The following RNF19A variants were observed in gnomAD, a reference collection of about 807,000 sequenced individuals.
RNF19A encodes the protein ring finger protein 19A, RBR E3 ubiquitin protein ligase, also known as E3 ubiquitin-protein ligase RNF19A.
RNF19A carries 32 observed loss-of-function variants against 75.7 expected under a neutral mutation model. The ratio of observed to expected loss-of-function variants is 0.42; its 90% confidence interval spans 0.32 to 0.57. The LOEUF (loss-of-function observed/expected upper bound fraction) is 0.57. Ranked by LOEUF, RNF19A falls within the 20% of genes least tolerant of loss-of-function variation. The pLI, the probability that RNF19A is intolerant of heterozygous loss-of-function variation, is 0.10. For missense variants in RNF19A, 782 were observed against 1,036.3 expected, an observed-to-expected ratio of 0.75 and a Z score of 3.37; for synonymous variants, 335 against 345.2, an observed-to-expected ratio of 0.97 and a Z score of 0.33.
Position 100,292,471 on chromosome 8 carries a change from C to T in RNF19A, c.-93-4204G>A, listed in dbSNP as rs1001923503. 8.7e-5 allele frequency among the ~76,000 whole-genome samples: 10 copies of T among 114,302 alleles called. No homozygotes were observed. The East Asian group carries it at 1.0e-3, about 11-fold the overall frequency. The allele number at this position is 114,302 out of a possible 152,430, so 75.0% of individuals were successfully genotyped here. On this transcript the variant is annotated intron_variant, in intron 1 of 9. Transcript: ENST00000341084. ...GTGTGTGTGTGTGTGTGTGTGTGTA[C>T]GTATAAATTGTATTTGACTATATGG...
rs553828697 is a variant in RNF19A at position 100,299,672 on chromosome 8, T to C, written c.-94+10195A>G. On this transcript the variant is annotated intron_variant, in intron 1 of 9. Coordinates refer to ENST00000341084, the MANE Select transcript of RNF19A (RefSeq NM_183419.4). ...TACTCGGGAAGCTGAGGCAGAAGAA[T>C]TGCTTGAACCCAGGAGGTGGAGGTT... 4.6e-5 allele frequency among the ~76,000 whole-genome samples: 7 copies of C among 152,236 alleles called. No individual in the cohort carries two copies. In the East Asian group the frequency reaches 1.2e-3, roughly 25 times the overall value.
In RNF19A at chr8:100,306,906, G is replaced by A. The variant is rs183615626; in HGVS notation, c.-94+2961C>T. Among the ~76,000 whole-genome samples the A allele has an allele frequency of 9.3e-4, 141 of 152,296 alleles. 2 individuals are homozygous for A. Among genetic ancestry groups the A allele is most frequent in the South Asian group, 2.5e-3 (12 of 4,826 alleles). On this transcript the variant is annotated intron_variant, in intron 1 of 9. Coordinates refer to ENST00000341084, the MANE Select transcript of RNF19A (RefSeq NM_183419.4). ...GTAAAGAAAAATTTAGCTATTCTCC[G>A]TAAGTAGTAAGATGAATATTTTGAT...
At chr8:100,282,234 T>C (rs1820812514) in intron 2 of RNF19A, among the ~76,000 whole-genome samples, 2 of 152,232 alleles carry the variant, frequency 1.3e-5, no homozygotes, top group African/African-American at 4.8e-5. Flanking sequence ...GTTATTTTTA[T>C]TGACTCATTA....
intron 1 of RNF19A, among the ~76,000 whole-genome samples, chr8:100,318,726 G>T (rs570184031): frequency 9.8e-5 from 15 of 152,336 alleles, no homozygotes; most frequent in Non-Finnish European, 2.2e-4. Flanking sequence ...ATATGACCCA[G>T]AAGCTTGATA....
upstream of RNF19A, chr8:100,310,359 C>G (rs1822259189): frequency 8.8e-6 from 5 of 571,156 alleles, no homozygotes; most frequent in South Asian, 3.0e-4. Context: ...GACTTCGCCT[C>G]GAGCGCGCCG....
In RNF19A at chr8:100,261,584, G is replaced by C. The variant is rs764700005; in HGVS notation, c.1640C>G (p.Thr547Arg). ...STMALAGASI[T>R]GSLSGSAMVN... is the part of the protein sequence containing the mutation. ...CATGGCACTTCCTGACAGACTCCCC[G>C]TTATACTGGCTCCAGCTAGTGCCAT... The change falls in exon 8 of 10, where the codon ACG (threonine) becomes AGG (arginine). Residue 547 changes from threonine (T) to arginine (R), a missense_variant. Transcript: ENST00000341084. The surrounding 1 kb of genome is among the most constrained non-coding windows in gnomAD (Gnocchi z 4.4). 4 of 1,613,882 alleles carry C rather than the reference G, an allele frequency of 2.5e-6. No homozygotes were observed. Among genetic ancestry groups the C allele is most frequent in the Non-Finnish European group, 3.4e-6 (4 of 1,179,980 alleles).
Position 100,259,748 on chromosome 8 carries a change from G to C in RNF19A, c.1826+106C>G. On this transcript the variant is annotated intron_variant, in intron 9 of 9. Coordinates refer to ENST00000341084, the MANE Select transcript of RNF19A (RefSeq NM_183419.4). This position sits in a 1 kb window ranked among gnomAD's most constrained non-coding sequence, Gnocchi z 4.5. ...CAGCTCACTGTTTCCTTTTCTCAGAGAACTTAATAGTTGGTAGCCACTTTT... is the reference window on the plus strand; with the variant it reads ...CAGCTCACTGTTTCCTTTTCTCAGACAACTTAATAGTTGGTAGCCACTTTT... 2.1e-6 allele frequency: 2 copies of C among 965,848 alleles called. No homozygotes were observed. The highest frequency in any genetic ancestry group is 3.1e-6 in the Non-Finnish European group (2 of 653,992). The allele number at this position is 965,848 out of a possible 1,614,324, so 59.8% of individuals were successfully genotyped here. A position where few individuals can be genotyped will look rare whatever the true frequency, so the allele number is the denominator to read the frequency against.
At chr8:100,310,760 AT>A (rs10715614), upstream of RNF19A, among the ~76,000 whole-genome samples, 69,714 of 150,356 alleles carry the variant, frequency 0.46, 16,916 homozygotes, top group African/African-American at 0.63. Flanking sequence ...CTTTTATTTC[AT>A]TTTTTTTTTA....
rs557269555 is a variant in RNF19A at position 100,258,142 on chromosome 8, T to C, written c.*414A>G. 2.7e-5 allele frequency: 11 copies of C among 403,788 alleles called. No homozygotes were observed. The highest frequency in any genetic ancestry group is 4.4e-5 in the Non-Finnish European group (10 of 229,424). The allele number at this position is 403,788 out of a possible 1,614,324, so 25.0% of individuals were successfully genotyped here. A position where few individuals can be genotyped will look rare whatever the true frequency, so the allele number is the denominator to read the frequency against. On this transcript the variant is annotated 3_prime_UTR_variant, in exon 10 of 10. Transcript: ENST00000341084. This position sits in a 1 kb window ranked among gnomAD's most constrained non-coding sequence, Gnocchi z 4.3. Reference sequence around the variant, plus strand: ...GTAACCTATGCAGTTCTTTTAAACTTATCTCTTTAGTGGTTTCAATAAAAT... The same window carrying C: ...GTAACCTATGCAGTTCTTTTAAACTCATCTCTTTAGTGGTTTCAATAAAAT...
At position 100,317,032 on chromosome 8, in the gene RNF19A, T is replaced by G. The variant is rs1822391100; in HGVS notation, c.-242-3660A>C. ...GCTGGCCCGGGTGCTAAGTCCCTCATTGCCCGGGACCAGCAGCGCTGCCCG... is the reference window on the plus strand; with the variant it reads ...GCTGGCCCGGGTGCTAAGTCCCTCAGTGCCCGGGACCAGCAGCGCTGCCCG... On this transcript the variant is annotated intron_variant, in intron 1 of 3. Coordinates refer to the RNF19A transcript ENST00000519527. The surrounding 1 kb of genome is among the most constrained non-coding windows in gnomAD (Gnocchi z 4.3). Among the ~76,000 whole-genome samples the G allele has an allele frequency of 6.6e-6, 1 of 151,740 alleles. No homozygotes were observed. Among genetic ancestry groups the G allele is most frequent in the Non-Finnish European group, 1.5e-5 (1 of 67,832 alleles).
chr8:100,318,577 CTG>C (rs1252773363), intron 1 of RNF19A, among the ~76,000 whole-genome samples: 2 of 152,200 alleles, frequency 1.3e-5, no homozygotes, highest in Non-Finnish European at 2.9e-5. Context: ...TGAAATATAA[CTG>C]TAAGCAATGA....
At chr8:100,267,678 CT>C (rs34590798) in intron 5 of RNF19A, among the ~76,000 whole-genome samples, 213 of 138,594 alleles carry the variant, frequency 1.5e-3, no homozygotes, top group Admixed American at 2.1e-3. Flanking sequence ...CTTGTTAGTT[CT>C]TTTTTTTTTT....
rs1483461029 is a variant in RNF19A at position 100,259,091 on chromosome 8, G to GTGGC, written c.1978_1981dup (p.Thr661SerfsTer18). 6.2e-7 allele frequency: 1 copy of GTGGC among 1,613,874 alleles called. No individual in the cohort carries two copies. The highest frequency in any genetic ancestry group is 1.3e-5 in the African/African-American group (1 of 74,848). On this transcript the variant is annotated frameshift_variant, in exon 10 of 10. Coordinates refer to ENST00000341084, the MANE Select transcript of RNF19A (RefSeq NM_183419.4). LOFTEE classifies it high-confidence loss of function. The surrounding 1 kb of genome is among the most constrained non-coding windows in gnomAD (Gnocchi z 4.5). Reference sequence around the variant, plus strand: ...TGCTGTTGCTTCTTTGGACCACTTGGTGGCACTAGATTTACCTTCAGGCAA... The same window carrying GTGGC: ...TGCTGTTGCTTCTTTGGACCACTTGGTGGCTGGCACTAGATTTACCTTCAGGCAA...
chr8:100,334,657 G>A (rs112611086), intron 1 of RNF19A, among the ~76,000 whole-genome samples: 4,185 of 152,234 alleles, frequency 0.027, 176 homozygotes, highest in African/African-American at 0.095. Context: ...GTTTTCTAAA[G>A]CTCCCTTGTT....
Position 100,261,579 on chromosome 8 carries a change from T to C in RNF19A, c.1645A>G (p.Ser549Gly). 1 of 1,614,002 alleles carries C rather than the reference T, an allele frequency of 6.2e-7. No individual in the cohort carries two copies. Among genetic ancestry groups the C allele is most frequent in the Non-Finnish European group, 8.5e-7 (1 of 1,179,984 alleles). Reference protein sequence around the residue: ...MALAGASITGSLSGSAMVNCF... With the variant: ...MALAGASITGGLSGSAMVNCF... ...TTTACCATGGCACTTCCTGACAGAC[T>C]CCCCGTTATACTGGCTCCAGCTAGT... Residue 549 changes from serine (S) to glycine (G), a missense_variant, in exon 8 of 10, where the codon AGT (serine) becomes GGT (glycine). Around this residue, in one of 7 missense-constraint regions of RNF19A, gnomAD observed 442 missense variants for 541.6 expected, o/e 0.82. Coordinates refer to ENST00000341084, the MANE Select transcript of RNF19A (RefSeq NM_183419.4). This position sits in a 1 kb window ranked among gnomAD's most constrained non-coding sequence, Gnocchi z 4.4.
intron 1 of RNF19A, among the ~76,000 whole-genome samples, chr8:100,298,644 A>T (rs781153247): frequency 2.0e-5 from 3 of 152,218 alleles, no homozygotes; most frequent in Non-Finnish European, 4.4e-5. Flanking sequence ...TTTCTTAAAC[A>T]GCTTCACAAA....
At chr8:100,297,798 C>T (rs1429664410) in intron 1 of RNF19A, among the ~76,000 whole-genome samples, 1 of 152,184 alleles carries the variant, frequency 6.6e-6, no homozygotes, top group East Asian at 1.9e-4. Flanking sequence ...CTATCTTACT[C>T]ACCTTAAAGC....
rs750710733 is a variant in RNF19A at position 100,287,547 on chromosome 8, G to C, written c.628C>G (p.Leu210Val). 6.2e-7 allele frequency: 1 copy of C among 1,613,838 alleles called. No individual in the cohort carries two copies. ...CACCTACAATCAGGATCTGCAACAAGCCACCGTCTAAGCATAAATTCTTCG... is the reference window on the plus strand; with the variant it reads ...CACCTACAATCAGGATCTGCAACAACCCACCGTCTAAGCATAAATTCTTCG... ...KYEEFMLRRW[L>V]VADPDCRWCP... Residue 210 changes from leucine (L) to valine (V), a missense_variant, in exon 2 of 10, where the codon CTT becomes GTT. Leu to Val is a conservative substitution (Grantham distance 32, BLOSUM62 1). Coordinates refer to ENST00000341084, the MANE Select transcript of RNF19A (RefSeq NM_183419.4). This position sits in a 1 kb window ranked among gnomAD's most constrained non-coding sequence, Gnocchi z 4.1.
At chr8:100,320,290 A>AAC (rs1563874420) in intron 1 of RNF19A, among the ~76,000 whole-genome samples, 9 of 151,960 alleles carry the variant, frequency 5.9e-5, no homozygotes, top group Admixed American at 6.5e-5. Context: ...ATTTTTTAAA[A>AAC]AACAACAACA....
Sources: allele counts gnomAD v4.1 joint callset (sites outside exome capture counted in the v4.1 genomes callset), GRCh38; gene constraint gnomAD v4.1.1; regional missense constraint gnomAD v4.1.1; non-coding constraint Gnocchi (gnomAD v3.1); transcripts MANE v1.5; gene names NCBI Gene and HGNC (gene_info 2026-07-23, HGNC 2026-07-21).